HACL2: variants seen among roughly 807,000 people sequenced by gnomAD.
The protein encoded by HACL2 is 2-hydroxyacyl-CoA lyase 1 like.
chr19:15,118,517 C>T, the HACL2 span, among the ~76,000 whole-genome samples: 1 of 152,170 alleles, frequency 6.6e-6, no homozygotes, highest in Non-Finnish European at 1.5e-5. Context: ...CCCTAGTCCA[C>T]AGCCCCTCCA....
chr19:15,115,355 T>G, the HACL2 span: 2 of 1,614,102 alleles, frequency 1.2e-6, no homozygotes, highest in Admixed American at 1.7e-5. Context: ...GTGCAGCACC[T>G]TGACCACCTG....
chr19:15,117,939 A>G, the HACL2 span: 1 of 1,614,100 alleles, frequency 6.2e-7, no homozygotes, highest in Non-Finnish European at 8.5e-7. Context: ...TCTCTTCCCG[A>G]TTACGATTGA....
chr19:15,122,725 T>C, the HACL2 span: 3 of 1,613,930 alleles, frequency 1.9e-6, no homozygotes, highest in Non-Finnish European at 2.5e-6. The surrounding 1 kb of genome is among the most constrained non-coding windows in gnomAD (Gnocchi z 4.0). Flanking sequence ...GGCCCTTGGG[T>C]GGCTTGGCTG....
At chr19:15,122,514 C>T in the HACL2 span, among the ~76,000 whole-genome samples, 1,014 of 152,242 alleles carry the variant, frequency 6.7e-3, 5 homozygotes, top group Non-Finnish European at 0.011. This position sits in a 1 kb window ranked among gnomAD's most constrained non-coding sequence, Gnocchi z 4.0. Context: ...CTTTCCCTAC[C>T]CACCCAGTTC....
the HACL2 span, among the ~76,000 whole-genome samples, chr19:15,119,006 C>T: frequency 6.6e-6 from 1 of 152,222 alleles, no homozygotes; most frequent in African/African-American, 2.4e-5. Context: ...CTATCTGATA[C>T]ACCTATTATG....
chr19:15,123,346 G>C, the HACL2 span: 2 of 1,609,052 alleles, frequency 1.2e-6, no homozygotes, highest in South Asian at 2.2e-5. The surrounding 1 kb of genome is among the most constrained non-coding windows in gnomAD (Gnocchi z 5.1). Flanking sequence ...AGTCCAACCA[G>C]TCCCCAGCCC....
chr19:15,115,164 G>C, the HACL2 span: 1 of 1,500,074 alleles, frequency 6.7e-7, no homozygotes, highest in Non-Finnish European at 9.3e-7. Flanking sequence ...TCATGGGATA[G>C]GCCCAGGGCA....
chr19:15,124,046 T>C, the HACL2 span: 2 of 165,848 alleles, frequency 1.2e-5, no homozygotes, highest in Admixed American at 1.1e-4. Context: ...GATCCCAGCC[T>C]CCCTGATGCC....
chr19:15,123,060 T>C, the HACL2 span: 1 of 1,608,972 alleles, frequency 6.2e-7, no homozygotes, highest in Non-Finnish European at 8.5e-7. This position sits in a 1 kb window ranked among gnomAD's most constrained non-coding sequence, Gnocchi z 5.1. Context: ...GGCAGGGTTA[T>C]CGCATGAGCC....
the HACL2 span, chr19:15,124,872 G>C: frequency 6.4e-7 from 1 of 1,556,470 alleles, no homozygotes; most frequent in Non-Finnish European, 8.7e-7. Flanking sequence ...AGCACCACGA[G>C]GCCCCTCCCT....
At chr19:15,124,105 G>A in the HACL2 span, 1 of 159,276 alleles carries the variant, frequency 6.3e-6, no homozygotes, top group South Asian at 1.8e-4. Context: ...CAGGCTGCCA[G>A]CCACCATGTG....
chr19:15,117,732 GC>G, the HACL2 span: 2 of 747,766 alleles, frequency 2.7e-6, no homozygotes, highest in Non-Finnish European at 4.3e-6. Flanking sequence ...CAGTTTGAGA[GC>G]CAACTATTTG....
chr19:15,118,108 G>A, the HACL2 span: 2 of 1,514,476 alleles, frequency 1.3e-6, no homozygotes, highest in Non-Finnish European at 1.8e-6. Context: ...ATGAGTCCCT[G>A]TTCCTCACCG....
At chr19:15,123,186 G>C in the HACL2 span, 1 of 1,613,922 alleles carries the variant, frequency 6.2e-7, no homozygotes, top group South Asian at 1.1e-5. The surrounding 1 kb of genome is among the most constrained non-coding windows in gnomAD (Gnocchi z 5.1). Context: ...ATTCTTCACC[G>C]CAGTCACCGT....
At chr19:15,117,902 T>G in the HACL2 span, 7 of 1,614,014 alleles carry the variant, frequency 4.3e-6, no homozygotes, top group Non-Finnish European at 5.9e-6. Context: ...TCCTGGGGCT[T>G]CCAGAAGATG....
chr19:15,119,909 G>T, the HACL2 span: 1 of 1,041,852 alleles, frequency 9.6e-7, no homozygotes, highest in Non-Finnish European at 1.4e-6. Context: ...TACTGACTCA[G>T]GGAGAGGGTC....
the HACL2 span, chr19:15,119,219 A>C: frequency 4.4e-6 from 7 of 1,607,442 alleles, no homozygotes; most frequent in Non-Finnish European, 5.9e-6. Context: ...GTTCTCCCGG[A>C]TGTGGAGGGG....
At chr19:15,118,114 C>T in the HACL2 span, 2 of 1,487,506 alleles carry the variant, frequency 1.3e-6, no homozygotes, top group Non-Finnish European at 1.8e-6. Context: ...CCCTGTTCCT[C>T]ACCGAGTCTC....
chr19:15,120,151 A>T, the HACL2 span: 1 of 1,030,080 alleles, frequency 9.7e-7, no homozygotes, highest in Non-Finnish European at 1.5e-6. Context: ...GGATCTGAGC[A>T]AGGAAAGGGG....
Sources: allele counts gnomAD v4.1 joint callset (sites outside exome capture counted in the v4.1 genomes callset), GRCh38; gene constraint gnomAD v4.1.1; non-coding constraint Gnocchi (gnomAD v3.1); transcripts MANE v1.5; gene names NCBI Gene and HGNC (gene_info 2026-07-23, HGNC 2026-07-21).